AHNAK2: variants seen among roughly 807,000 people sequenced by gnomAD.
The protein encoded by AHNAK2 is AHNAK nucleoprotein 2.
AHNAK2 carries 18 observed loss-of-function variants against 30.7 expected under a neutral mutation model. That is an observed-to-expected ratio of 0.59 (90% CI 0.41 to 0.87). AHNAK2 has a LOEUF of 0.87. Ranked by LOEUF, AHNAK2 falls within the 40% of genes least tolerant of loss-of-function variation. The pLI is 0.00. For missense variants in AHNAK2, 8,604 were observed against 7,373.0 expected (o/e 1.17, Z -6.11); for synonymous variants, 3,590 against 3,073.8 (o/e 1.17, Z -5.56).
Position 104,944,260 on chromosome 14 carries a change from T to A in AHNAK2, c.11191A>T (p.Met3731Leu). The part of the protein sequence containing the change: ...LPKVEMPSLK[M>L]PKVDLKGPQV... Reference sequence around the variant, plus strand: ...GGGCCCTTGAGGTCCACTTTGGGCATCTTCAAACTGGGCATCTCCACCTTG... The same window carrying A: ...GGGCCCTTGAGGTCCACTTTGGGCAACTTCAAACTGGGCATCTCCACCTTG... The change falls in exon 7 of 7, where the codon ATG becomes TTG. Residue 3731 changes from methionine to leucine, a missense_variant. Physicochemically the swap from Met to Leu is conservative, Grantham distance 15 (BLOSUM62 2). Coordinates refer to ENST00000333244, the MANE Select transcript of AHNAK2 (RefSeq NM_138420.4). The A allele has an allele frequency of 1.9e-6, 3 of 1,612,596 alleles. No homozygotes were observed. Among genetic ancestry groups the A allele is most frequent in the Non-Finnish European group, 2.5e-6 (3 of 1,179,420 alleles).
Position 104,947,466 on chromosome 14 carries a change from G to C in AHNAK2, c.7985C>G (p.Ala2662Gly). 6.2e-7 allele frequency: 1 copy of C among 1,612,600 alleles called. No individual in the cohort carries two copies. ...KFKMPSFRVSAPGESIEALVD... is the reference protein window; with the variant it reads ...KFKMPSFRVSGPGESIEALVD... ...CAACGCCTCGATGGACTCGCCTGGG[G>C]CCGACACCCTGAATGATGGCATCTT... Residue 2662 changes from alanine to glycine, a missense_variant, in exon 7 of 7, where the codon GCC becomes GGC. Transcript: ENST00000333244.
rs202183340 is a variant in AHNAK2, at chr14:104,957,691, T to A, written c.56-19A>T. On this transcript the variant is annotated intron_variant, in intron 1 of 6. Transcript: ENST00000333244. ...CCGGACACTGCAGAGAGAGTGGCTGTCAGTGGAGACAAGCAGGCTGGGGGA... is the reference window on the plus strand; with the variant it reads ...CCGGACACTGCAGAGAGAGTGGCTGACAGTGGAGACAAGCAGGCTGGGGGA... 9.3e-6 allele frequency: 15 copies of A among 1,605,372 alleles called. No homozygotes were observed. The East Asian group carries it at 3.4e-4, about 36-fold the overall frequency.
At chr14:104,956,523 ACT>A in intron 4 of AHNAK2, 63 bp downstream of exon 4, 6 of 1,542,466 alleles carry the variant, frequency 3.9e-6, no homozygotes, top group Non-Finnish European at 5.4e-6. Context: ...CTGACCTCGG[ACT>A]CTCTGGCTGG....
At position 104,950,627 on chromosome 14, in the gene AHNAK2, G is replaced by T; in HGVS notation, c.4824C>A (p.Pro1608=). The T allele has an allele frequency of 6.3e-7, 1 of 1,587,024 alleles. No individual in the cohort carries two copies. The highest frequency in any genetic ancestry group is 1.1e-5 in the South Asian group (1 of 89,660). ...VKGPKLDLKG[P]KVEVTAPDVK... ...CATCGGGGGCTGTCACTTCCACCTT[G>T]GGGCCTTTCAGGTCCAGCTTGGGGC... The change falls in exon 7 of 7, where the codon CCC becomes CCA. Residue 1608 remains proline (P), a synonymous_variant. Coordinates refer to ENST00000333244, the MANE Select transcript of AHNAK2 (RefSeq NM_138420.4).
rs373118027 is a variant in AHNAK2 at position 104,941,909 on chromosome 14, C to T, written c.13542G>A (p.Gln4514=). 6 of 1,613,400 alleles carry T rather than the reference C, an allele frequency of 3.7e-6. No individual in the cohort carries two copies. In the African/African-American group the frequency reaches 8.0e-5, roughly 22 times the overall value. ...GDLKTTDLRI[Q]APSADLEVQA... Reference sequence around the variant, plus strand: ...GGACCTCCAGGTCGGCGGAAGGGGCCTGAATGCGGAGGTCAGTGGTCTTGA... The same window carrying T: ...GGACCTCCAGGTCGGCGGAAGGGGCTTGAATGCGGAGGTCAGTGGTCTTGA... The change falls in exon 7 of 7, where the codon CAG becomes CAA. Residue 4514 remains glutamine (Q), a synonymous_variant. Transcript: ENST00000333244.
In AHNAK2 at chr14:104,938,541, G is replaced by T; in HGVS notation, c.16910C>A (p.Pro5637Gln). ...GAGCAGACCAGATTTTTTACTTTCT[G>T]GTTTGTCTTTTGGAGCCCTGCCTTC... ...ADEGRAPKDK[P>Q]ESKKSGLLWF... The change falls in exon 7 of 7, where the codon CCA becomes CAA. Residue 5637 changes from proline (P) to glutamine (Q), a missense_variant. Coordinates refer to ENST00000333244, the MANE Select transcript of AHNAK2 (RefSeq NM_138420.4). 1 of 1,613,320 alleles carries T rather than the reference G, an allele frequency of 6.2e-7. No individual in the cohort carries two copies. Among genetic ancestry groups the T allele is most frequent in the Non-Finnish European group, 8.5e-7 (1 of 1,179,728 alleles).
rs2248966 is a variant in AHNAK2, at chr14:104,950,765, T to C, written c.4686A>G (p.Pro1562=). Residue 1562 remains proline (P), a synonymous_variant, in exon 7 of 7, where the codon CCA becomes CCG. Coordinates refer to ENST00000333244, the MANE Select transcript of AHNAK2 (RefSeq NM_138420.4). ...CGGCTCCCTCGGACACAGGGCCCTC[T>C]GGGAGTTTCACGTCCACTTGGCCAG... The part of the protein sequence containing the change: ...VQAGQVDVKL[P]EGPVSEGAGL... 0.6 allele frequency: 951,535 copies of C among 1,585,306 alleles called. 326,803 individuals are homozygous for C. Among genetic ancestry groups the C allele is most frequent in the Middle Eastern group, 0.69 (4,162 of 6,024 alleles).
chr14:104,944,087 G>T lies in AHNAK2; in HGVS notation c.11364C>A (p.Asp3788Glu). ...TCACATCCTTGTCGGCCAGGGACAG[G>T]TCCCCCTCCAGCTGTGCACTATCCA... The part of the protein sequence containing the change: ...AKLDSAQLEG[D>E]LSLADKDVTA... Residue 3788 changes from aspartate (D) to glutamate (E), a missense_variant, in exon 7 of 7, where the codon GAC becomes GAA. Transcript: ENST00000333244. 1 of 1,613,208 alleles carries T rather than the reference G, an allele frequency of 6.2e-7. No individual in the cohort carries two copies. Among genetic ancestry groups the T allele is most frequent in the Non-Finnish European group, 8.5e-7 (1 of 1,179,660 alleles).
Position 104,944,110 on chromosome 14 carries a change from C to T in AHNAK2, c.11341G>A (p.Asp3781Asn). ...VDVQAPRAKL[D>N]SAQLEGDLSL... is the part of the protein sequence containing the mutation. ...AGGTCCCCCTCCAGCTGTGCACTAT[C>T]CAGTTTGGCTCTTGGGGCCTGGACG... is the stretch of plus-strand genomic sequence containing the variant. Residue 3781 changes from aspartate (D) to asparagine (N), a missense_variant, in exon 7 of 7, where the codon GAT becomes AAT. Coordinates refer to ENST00000333244, the MANE Select transcript of AHNAK2 (RefSeq NM_138420.4). 8 of 1,613,360 alleles carry T rather than the reference C, an allele frequency of 5.0e-6. No homozygotes were observed. The highest frequency in any genetic ancestry group is 1.3e-5 in the African/African-American group (1 of 74,896).
In AHNAK2 at chr14:104,944,661, A is replaced by C. The variant is rs776839758; in HGVS notation, c.10790T>G (p.Val3597Gly). ...GPKAEVRVPD[V>G]EVSLPSVEVD... ...CTCCACGCTGGGCAGAGACACCTCG[A>C]CATCGGGGACTCTCACTTCTGCCTT... is the stretch of plus-strand genomic sequence containing the variant. Residue 3597 changes from valine to glycine, a missense_variant, in exon 7 of 7, where the codon GTC (valine) becomes GGC (glycine). Coordinates refer to ENST00000333244, the MANE Select transcript of AHNAK2 (RefSeq NM_138420.4). The C allele has an allele frequency of 2.5e-6, 4 of 1,612,798 alleles. No homozygotes were observed. The highest frequency in any genetic ancestry group is 2.2e-5 in the East Asian group (1 of 44,768).
In AHNAK2 at chr14:104,938,990, A is replaced by G; in HGVS notation, c.16461T>C (p.Phe5487=). Reference sequence around the variant, plus strand: ...AAGTCCTGGGTACTGAGAGATCTACAAACTCTGGTGTCACTATGCTGTGTA... The same window carrying G: ...AAGTCCTGGGTACTGAGAGATCTACGAACTCTGGTGTCACTATGCTGTGTA... ...VTIHSIVTPE[F]VDLSVPRTFS... is the part of the protein sequence containing the mutation. Residue 5487 remains phenylalanine (F), a synonymous_variant, in exon 7 of 7, where the codon TTT becomes TTC. Transcript: ENST00000333244. The G allele has an allele frequency of 6.2e-7, 1 of 1,612,356 alleles. No individual in the cohort carries two copies. The highest frequency in any genetic ancestry group is 8.5e-7 in the Non-Finnish European group (1 of 1,179,376).
At position 104,945,260 on chromosome 14, in the gene AHNAK2, G is replaced by T; in HGVS notation, c.10191C>A (p.Pro3397=). The change falls in exon 7 of 7, where the codon CCC becomes CCA. Residue 3397 remains proline (P), a synonymous_variant. Coordinates refer to ENST00000333244, the MANE Select transcript of AHNAK2 (RefSeq NM_138420.4). ...LKGHLPKVEM[P]SFKMPKVDLK... ...GGTCCACTTTGGGCATCTTGAAACT[G>T]GGCATCTCCACCTTGGGCAGGTGCC... 6.2e-7 allele frequency: 1 copy of T among 1,612,824 alleles called. No individual in the cohort carries two copies. Among genetic ancestry groups the T allele is most frequent in the East Asian group, 2.2e-5 (1 of 44,762 alleles).
In AHNAK2 at chr14:104,940,890, G is replaced by A. The variant is rs1759905199; in HGVS notation, c.14561C>T (p.Pro4854Leu). ...SHSGPLNSMI[P>L]VSLGQVSFPK... ...AAAAGATACCTGACCAAGAGAAACA[G>A]GAATCATGGAATTCAGTGGGCCAGA... Residue 4854 changes from proline to leucine, a missense_variant, in exon 7 of 7, where the codon CCT becomes CTT. Pro to Leu is a moderately conservative substitution (Grantham distance 98). Coordinates refer to ENST00000333244, the MANE Select transcript of AHNAK2 (RefSeq NM_138420.4). This position sits in a 1 kb window ranked among gnomAD's most constrained non-coding sequence, Gnocchi z 4.4. The A allele has an allele frequency of 6.2e-7, 1 of 1,612,738 alleles. No individual in the cohort carries two copies. Among genetic ancestry groups the A allele is most frequent in the East Asian group, 2.2e-5 (1 of 44,882 alleles).
chr14:104,937,981 A>G lies in AHNAK2; in HGVS notation c.*82T>C. ...TGAGGTGGATGTAATGTGCTGTGGG[A>G]TGGGGTGCTCCATATGTGTGTGTAG... On this transcript the variant is annotated 3_prime_UTR_variant, in exon 7 of 7. Transcript: ENST00000333244. 1 of 1,430,076 alleles carries G rather than the reference A, an allele frequency of 7.0e-7. No individual in the cohort carries two copies. The highest frequency in any genetic ancestry group is 1.4e-5 in the South Asian group (1 of 73,926). The allele number at this position is 1,430,076 out of a possible 1,614,324, so 88.6% of individuals were successfully genotyped here.
chr14:104,952,719 C>A lies in AHNAK2; in HGVS notation c.2732G>T (p.Gly911Val). The stretch of plus-strand genomic sequence containing the variant: ...CACTTTGGGCAGGTGCACTTTGGGG[C>A]CGGCTCCCTCGGGCACAGGGCCCTC... The part of the protein sequence containing the change: ...LPEGPVPEGA[G>V]PKVHLPKVEM... Residue 911 changes from glycine to valine, a missense_variant, in exon 7 of 7, where the codon GGC (glycine) becomes GTC (valine). Physicochemically the swap from Gly to Val is moderately radical, Grantham distance 109. Transcript: ENST00000333244. 6.2e-7 allele frequency: 1 copy of A among 1,613,006 alleles called. No homozygotes were observed. The highest frequency in any genetic ancestry group is 8.5e-7 in the Non-Finnish European group (1 of 1,179,674).
Position 104,945,002 on chromosome 14 carries a change from G to T in AHNAK2, c.10449C>A (p.Phe3483Leu), listed in dbSNP as rs370733503. Reference sequence around the variant, plus strand: ...TGGACCTGCCTGGGGCCGACACCCCGAAGGAGGGCATCTTGAACTTGGGCA... The same window carrying T: ...TGGACCTGCCTGGGGCCGACACCCCTAAGGAGGGCATCTTGAACTTGGGCA... Reference protein sequence around the residue: ...FKMPKFKMPSFGVSAPGRSIE... With the variant: ...FKMPKFKMPSLGVSAPGRSIE... The change falls in exon 7 of 7, where the codon TTC becomes TTA. Residue 3483 changes from phenylalanine (F) to leucine (L), a missense_variant. Physicochemically the swap from Phe to Leu is conservative, Grantham distance 22. Coordinates refer to ENST00000333244, the MANE Select transcript of AHNAK2 (RefSeq NM_138420.4). 19 of 1,612,656 alleles carry T rather than the reference G, an allele frequency of 1.2e-5. No individual in the cohort carries two copies. Among genetic ancestry groups the T allele is most frequent in the Admixed American group, 1.7e-5 (1 of 59,936 alleles).
chr14:104,973,395 G>A (rs1899523758), intron 1 of AHNAK2, among the ~76,000 whole-genome samples: 1 of 152,200 alleles, frequency 6.6e-6, no homozygotes, highest in Admixed American at 6.5e-5. Flanking sequence ...TGTCACCAAG[G>A]AGCCCGCGGT....
rs761392049 is a variant in AHNAK2, at chr14:104,951,950, C to G, written c.3501G>C (p.Lys1167Asn). 14 of 1,611,630 alleles carry G rather than the reference C, an allele frequency of 8.7e-6. No homozygotes were observed. Among genetic ancestry groups the G allele is most frequent in the African/African-American group, 1.3e-5 (1 of 74,086 alleles). ...ACGCCCCGAACGATGGCATCTTGAA[C>G]TTGGGCATTTTGAACCTGCTGTCTT... The part of the protein sequence containing the change: ...TAKDSRFKMP[K>N]FKMPSFGASA... Residue 1167 changes from lysine (K) to asparagine (N), a missense_variant, in exon 7 of 7, where the codon AAG becomes AAC. By Grantham distance (94) the Lys-to-Asn change is moderately conservative (BLOSUM62 0). Coordinates refer to ENST00000333244, the MANE Select transcript of AHNAK2 (RefSeq NM_138420.4).
chr14:104,940,774 T>C lies in AHNAK2; in HGVS notation c.14677A>G (p.Met4893Val), dbSNP rs529034261. 4 of 1,612,938 alleles carry C rather than the reference T, an allele frequency of 2.5e-6. No homozygotes were observed. The Admixed American group carries it at 5.0e-5, about 20-fold the overall frequency. The change falls in exon 7 of 7, where the codon ATG becomes GTG. Residue 4893 changes from methionine to valine, a missense_variant. Coordinates refer to ENST00000333244, the MANE Select transcript of AHNAK2 (RefSeq NM_138420.4). The surrounding 1 kb of genome is among the most constrained non-coding windows in gnomAD (Gnocchi z 4.4). ...DLHAAVGAPV[M>V]SPLSPGERVQ... ...CTTTCTCCAGGGCTAAGAGGAGACATGACTGGGGCACCCACTGCTGCATGT... is the reference window on the plus strand; with the variant it reads ...CTTTCTCCAGGGCTAAGAGGAGACACGACTGGGGCACCCACTGCTGCATGT...
Sources: allele counts gnomAD v4.1 joint callset (sites outside exome capture counted in the v4.1 genomes callset), GRCh38; gene constraint gnomAD v4.1.1; non-coding constraint Gnocchi (gnomAD v3.1); transcripts MANE v1.5; gene names NCBI Gene and HGNC (gene_info 2026-07-23, HGNC 2026-07-21).